The following TEX14 variants were observed in gnomAD, a reference collection of about 807,000 sequenced individuals.
TEX14 encodes testis expressed 14, intercellular bridge forming factor, also known as inactive serine/threonine-protein kinase TEX14.
TEX14 carries 168 observed loss-of-function variants against 178.6 expected under a neutral mutation model. That is an observed-to-expected ratio of 0.94 (90% CI 0.83 to 1.07). The LOEUF (loss-of-function observed/expected upper bound fraction) is 1.07. Ranked by LOEUF, TEX14 falls within the 50% of genes least tolerant of loss-of-function variation. The probability of loss-of-function intolerance (pLI) is 0.00; values close to 1 mark genes in which losing one functional copy is unlikely to be tolerated. For missense variants in TEX14, 1,730 were observed against 1,753.6 expected (o/e 0.99, Z 0.24); for synonymous variants, 626 against 634.1 (o/e 0.99, Z 0.19).
At chr17:58,631,821 C>G (rs192727624) in intron 2 of TEX14, 1 of 148,806 alleles carries the variant, frequency 6.7e-6, no homozygotes. Flanking sequence ...GAAATTATCC[C>G]TCAAAATATA....
intron 14 of TEX14, among the ~76,000 whole-genome samples, chr17:58,597,292 G>C (rs535993675): frequency 2.6e-5 from 4 of 151,996 alleles, no homozygotes; most frequent in Admixed American, 2.6e-4. Flanking sequence ...CCAGCTACTC[G>C]GGAGGCTGAG....
chr17:58,565,820 G>C lies in TEX14; in HGVS notation c.3891C>G (p.Leu1297=). Residue 1297 remains leucine (L), a synonymous_variant, in exon 27 of 32, where the codon CTC becomes CTG. Coordinates refer to ENST00000349033, the MANE Select transcript of TEX14 (RefSeq NM_031272.5). The part of the protein sequence containing the change: ...PSQELLDDIE[L]LKQQQGSSTV... ...TGGATGAGCCCTGCTGCTGTTTCAA[G>C]AGCTCTGTCACAACACAAAAGCCAA... 6.2e-7 allele frequency: 1 copy of C among 1,605,150 alleles called. No homozygotes were observed. Among genetic ancestry groups the C allele is most frequent in the Non-Finnish European group, 8.5e-7 (1 of 1,176,098 alleles).
At chr17:58,690,093 C>T (rs2047667541) in intron 1 of TEX14, among the ~76,000 whole-genome samples, 1 of 151,870 alleles carries the variant, frequency 6.6e-6, no homozygotes, top group South Asian at 2.1e-4. Context: ...TTGTGATCTG[C>T]AGAAGATATT....
Position 58,571,957 on chromosome 17 carries a change from A to T in TEX14, c.3681T>A (p.Thr1227=), listed in dbSNP as rs1598347576. The stretch of plus-strand genomic sequence containing the variant: ...GTCTTGAAGGGGGAGTTTCAGAGGA[A>T]GTAAGGAGAGAATCCAGTTTCTTTG... ...ERAKKLDSLL[T]SSETPPSRLT... Residue 1227 remains threonine (T), a synonymous_variant, in exon 24 of 32, where the codon ACT becomes ACA. Transcript: ENST00000349033. The T allele has an allele frequency of 3.1e-6, 5 of 1,614,190 alleles. No homozygotes were observed. In the East Asian group the frequency reaches 1.1e-4, roughly 36 times the overall value.
At chr17:58,689,427 G>A (rs1206953251) in intron 1 of TEX14, among the ~76,000 whole-genome samples, 19 of 151,600 alleles carry the variant, frequency 1.3e-4, no homozygotes, top group African/African-American at 3.6e-4. Context: ...CGTCATGTTG[G>A]CCAGGATGGT....
Position 58,571,997 on chromosome 17 carries a change from C to A in TEX14, c.3641G>T (p.Ser1214Ile). 1 of 1,614,168 alleles carries A rather than the reference C, an allele frequency of 6.2e-7. No individual in the cohort carries two copies. The highest frequency in any genetic ancestry group is 8.5e-7 in the Non-Finnish European group (1 of 1,180,028). The change falls in exon 24 of 32, where the codon AGT becomes ATT. Residue 1214 changes from serine (S) to isoleucine (I), a missense_variant. Transcript: ENST00000349033. ...CAGTTTCTTTGCTCTCTCTCGGACA[C>A]TTATAAAGTCATCAGACAAAGTTTG... Reference protein sequence around the residue: ...FIQTLSDDFISVRERAKKLDS... With the variant: ...FIQTLSDDFIIVRERAKKLDS...
intron 13 of TEX14, among the ~76,000 whole-genome samples, chr17:58,601,013 C>T (rs775185984): frequency 3.3e-5 from 5 of 151,810 alleles, no homozygotes; most frequent in African/African-American, 1.2e-4. Flanking sequence ...CTTTGGGAGG[C>T]GAAAGTGGGA....
At chr17:58,656,302 G>A (rs373037843) in intron 1 of TEX14, among the ~76,000 whole-genome samples, 26 of 152,124 alleles carry the variant, frequency 1.7e-4, no homozygotes, top group African/African-American at 5.3e-4. Flanking sequence ...AAAATTAGCC[G>A]GATGTGGTGG....
At position 58,602,398 on chromosome 17, in the gene TEX14, G is replaced by C. The variant is rs2045474579; in HGVS notation, c.1527+2C>G. The C allele has an allele frequency of 3.1e-6, 5 of 1,607,556 alleles. No homozygotes were observed. The highest frequency in any genetic ancestry group is 4.3e-6 in the Non-Finnish European group (5 of 1,175,842). ...TAAACTCCCAACAACTTCAGGGCTTGCCTTTAAGTCATTCTTCAGAATATA... is the reference window on the plus strand; with the variant it reads ...TAAACTCCCAACAACTTCAGGGCTTCCCTTTAAGTCATTCTTCAGAATATA... On this transcript the variant is annotated splice_donor_variant, in intron 12 of 31. Transcript: ENST00000349033. LOFTEE classifies it high-confidence loss of function.
chr17:58,647,471 G>T (rs562268095), intron 2 of TEX14, among the ~76,000 whole-genome samples: 2 of 151,242 alleles, frequency 1.3e-5, no homozygotes, highest in Non-Finnish European at 2.9e-5. Flanking sequence ...GGCGGAGCTT[G>T]CAGTGAGCTG....
intron 12 of TEX14, 151 bp from the exon 13 acceptor site, chr17:58,602,107 C>T (rs927121011): frequency 2.2e-5 from 18 of 821,616 alleles, no homozygotes; most frequent in Non-Finnish European, 3.2e-5. Context: ...ATTGTTATTG[C>T]CAATACCTTA....
chr17:58,573,038 A>G (rs1285879267), intron 23 of TEX14, 143 bp downstream of exon 23: 5 of 1,195,550 alleles, frequency 4.2e-6, no homozygotes, highest in Non-Finnish European at 5.9e-6. Context: ...CTACAATGGG[A>G]TTACCCAGTT....
intron 10 of TEX14, among the ~76,000 whole-genome samples, chr17:58,608,719 G>A (rs1297671961): frequency 1.3e-5 from 2 of 152,252 alleles, no homozygotes; most frequent in African/African-American, 4.8e-5. Context: ...AGAGGAATAT[G>A]CAAAGTGCCT....
chr17:58,676,114 G>A (rs1354757385), intron 1 of TEX14, among the ~76,000 whole-genome samples: 3 of 152,128 alleles, frequency 2.0e-5, no homozygotes, highest in East Asian at 1.9e-4. Flanking sequence ...AGTTGCTCAC[G>A]CCTGTGATCC....
chr17:58,578,799 C>T (rs935872415), intron 20 of TEX14, among the ~76,000 whole-genome samples: 5 of 152,314 alleles, frequency 3.3e-5, no homozygotes, highest in African/African-American at 4.8e-5. Context: ...TAAAAGCTTA[C>T]AGCTTCTTAA....
At chr17:58,663,000 C>T (rs534464786) in intron 1 of TEX14, among the ~76,000 whole-genome samples, 6 of 150,546 alleles carry the variant, frequency 4.0e-5, no homozygotes, top group South Asian at 4.2e-4. Flanking sequence ...CCCAGCCACT[C>T]GGAGAGGCTG....
At chr17:58,672,105 C>G (rs1203224007) in intron 1 of TEX14, among the ~76,000 whole-genome samples, 1 of 152,164 alleles carries the variant, frequency 6.6e-6, no homozygotes, top group Non-Finnish European at 1.5e-5. Flanking sequence ...AGTGTGCAAC[C>G]TAGATCCCTG....
At chr17:58,605,465 A>T (rs1366317445) in intron 10 of TEX14, among the ~76,000 whole-genome samples, 2 of 152,182 alleles carry the variant, frequency 1.3e-5, no homozygotes. Context: ...GAAGGCTGAC[A>T]ACCTCTTTGA....
intron 3 of TEX14, among the ~76,000 whole-genome samples, chr17:58,624,300 C>T (rs1482868772): frequency 1.3e-5 from 2 of 150,864 alleles, no homozygotes; most frequent in Non-Finnish European, 3.0e-5. Context: ...ATACACTATA[C>T]AAACTCTTCT....
Sources: gnomAD v4.1 joint callset for allele counts (sites outside exome capture counted in the v4.1 genomes callset) on GRCh38, gnomAD v4.1.1 for gene constraint, MANE v1.5 for transcripts, NCBI Gene and HGNC (gene_info 2026-07-23, HGNC 2026-07-21) for gene names.